The following CRPPA variants were observed in gnomAD, a reference collection of about 807,000 sequenced individuals.
CRPPA encodes CDP-L-ribitol pyrophosphorylase A.
A neutral mutation model predicts 52.0 loss-of-function variants in CRPPA; 43 were observed. The ratio of observed to expected loss-of-function variants is 0.83; its 90% CI spans 0.65 to 1.07. The LOEUF is 1.07. Among genes scored for constraint, CRPPA ranks in the 50% least tolerant of loss-of-function variants. The probability of loss-of-function intolerance (pLI) is 0.00; values close to 1 mark genes in which losing one functional copy is unlikely to be tolerated. For missense variants in CRPPA, 629 were observed against 551.7 expected (o/e 1.14, Z -1.40); for synonymous variants, 250 against 203.5 (o/e 1.23, Z -1.94).
chr7:16,272,253 G>A (rs1054345050), intron 6 of CRPPA, among the ~76,000 whole-genome samples: 7 of 152,158 alleles, frequency 4.6e-5, no homozygotes, highest in African/African-American at 1.7e-4. Context: ...CTCTCCCCAA[G>A]TTAGCTCTTT....
chr7:16,343,555 T>G (rs1328846175), intron 3 of CRPPA, among the ~76,000 whole-genome samples: 1 of 152,208 alleles, frequency 6.6e-6, no homozygotes, highest in Non-Finnish European at 1.5e-5. Context: ...CTGACTCAGT[T>G]TCCCACTGCA....
At chr7:16,342,916 T>C (rs1052025107) in intron 3 of CRPPA, among the ~76,000 whole-genome samples, 2 of 137,978 alleles carry the variant, frequency 1.4e-5, no homozygotes, top group African/African-American at 2.7e-5. Flanking sequence ...AGTACGTGCC[T>C]GTAGTCCCAC....
chr7:16,209,273 C>CTTTTTTTT lies in CRPPA; in HGVS notation c.1251+6785_1251+6792dup, dbSNP rs34795937. 61 of 123,072 alleles carry CTTTTTTTT rather than the reference C, an allele frequency of 5.0e-4. 5 individuals are homozygous for CTTTTTTTT. The highest frequency in any genetic ancestry group is 2.6e-3 in the Admixed American group (23 of 8,846). The allele number at this position is 123,072 out of a possible 1,614,324, so 7.6% of individuals were successfully genotyped here. A position where few individuals can be genotyped will look rare whatever the true frequency, so the allele number is the denominator to read the frequency against. ...GGCCAAGTAATACGGTTCTAAGTGT[C>CTTTTTTTT]TTTTTTTTTTTTTTTTTGAGACGAG... is the stretch of plus-strand genomic sequence containing the variant. On this transcript the variant is annotated intron_variant, in intron 9 of 9. Coordinates refer to ENST00000407010, the MANE Select transcript of CRPPA (RefSeq NM_001101426.4).
intron 9 of CRPPA, among the ~76,000 whole-genome samples, chr7:16,205,769 T>C (rs1781960387): frequency 6.6e-6 from 1 of 150,600 alleles, no homozygotes; most frequent in African/African-American, 2.4e-5. Flanking sequence ...TGTCTGCTAA[T>C]GCTGGACTTT....
intron 2 of CRPPA, among the ~76,000 whole-genome samples, chr7:16,381,853 T>C (rs10225669): frequency 0.027 from 4,117 of 150,772 alleles, 162 homozygotes; most frequent in African/African-American, 0.087. Flanking sequence ...GGTAAATCTT[T>C]CTCCATCCTT....
At chr7:16,420,193 A>G (rs952971062) in intron 1 of CRPPA, among the ~76,000 whole-genome samples, 3 of 152,152 alleles carry the variant, frequency 2.0e-5, no homozygotes, top group African/African-American at 7.2e-5. Context: ...TCTATCTGGA[A>G]ATGCAAACGG....
intron 9 of CRPPA, among the ~76,000 whole-genome samples, chr7:16,111,880 G>C (rs1032343941): frequency 6.6e-6 from 1 of 152,062 alleles, no homozygotes; most frequent in African/African-American, 2.4e-5. Context: ...TGGGAATATT[G>C]TACATTTCAA....
chr7:16,350,248 G>C (rs1478901089), intron 3 of CRPPA, among the ~76,000 whole-genome samples: 7 of 152,102 alleles, frequency 4.6e-5, no homozygotes, highest in Admixed American at 2.6e-4. Flanking sequence ...AAATGCTAAA[G>C]GGAGTTCCTC....
intron 3 of CRPPA, among the ~76,000 whole-genome samples, chr7:16,371,768 G>A (rs1398432802): frequency 6.6e-6 from 1 of 151,604 alleles, no homozygotes; most frequent in Non-Finnish European, 1.5e-5. Context: ...AGCTATTCAA[G>A]GAGATACCAG....
intron 3 of CRPPA, among the ~76,000 whole-genome samples, chr7:16,367,850 CATT>C (rs1786645121): frequency 6.6e-6 from 1 of 152,126 alleles, no homozygotes; most frequent in African/African-American, 2.4e-5. Context: ...TCTCAATCTC[CATT>C]ATAAGATTAA....
chr7:16,329,572 C>A (rs1467626424), intron 3 of CRPPA, among the ~76,000 whole-genome samples: 1 of 152,100 alleles, frequency 6.6e-6, no homozygotes, highest in Admixed American at 6.5e-5. Context: ...TTACGTCAAT[C>A]TGAAGGTTTT....
chr7:16,329,812 A>C (rs1033668821), intron 3 of CRPPA, among the ~76,000 whole-genome samples: 1 of 152,210 alleles, frequency 6.6e-6, no homozygotes, highest in Non-Finnish European at 1.5e-5. Context: ...TTTTGGCTGC[A>C]ATCACAAAAG....
intron 5 of CRPPA, among the ~76,000 whole-genome samples, chr7:16,291,082 C>T (rs573231312): frequency 1.3e-5 from 2 of 151,932 alleles, no homozygotes; most frequent in African/African-American, 2.4e-5. Context: ...CATGAGTTAT[C>T]AACTCACCCC....
At chr7:16,167,419 A>G (rs1167483574) in intron 9 of CRPPA, among the ~76,000 whole-genome samples, 1 of 152,192 alleles carries the variant, frequency 6.6e-6, no homozygotes, top group African/African-American at 2.4e-5. Flanking sequence ...GTGCCTATAT[A>G]TAAGAAGGTG....
intron 3 of CRPPA, among the ~76,000 whole-genome samples, chr7:16,325,469 A>G (rs1053858879): frequency 5.9e-5 from 9 of 152,202 alleles, no homozygotes; most frequent in Non-Finnish European, 1.2e-4. Context: ...TGCAAACACA[A>G]GAGCTACTCA....
At chr7:16,313,710 G>C (rs188224293) in intron 3 of CRPPA, among the ~76,000 whole-genome samples, 111 of 151,914 alleles carry the variant, frequency 7.3e-4, no homozygotes, top group African/African-American at 2.7e-3. Context: ...CCAAAATTTT[G>C]ATGCGTTCCA....
intron 5 of CRPPA, among the ~76,000 whole-genome samples, chr7:16,294,804 A>G (rs900383992): frequency 3.9e-5 from 6 of 152,028 alleles, no homozygotes; most frequent in Non-Finnish European, 8.8e-5. Context: ...ATTTAACAAG[A>G]AAAAGCCTGA....
intron 3 of CRPPA, among the ~76,000 whole-genome samples, chr7:16,346,555 G>T (rs1583537088): frequency 1.3e-5 from 2 of 152,018 alleles, no homozygotes; most frequent in Non-Finnish European, 2.9e-5. Context: ...AAGATAATTA[G>T]CAGAGGCAAT....
chr7:16,399,603 T>C (rs1480205940), intron 2 of CRPPA, among the ~76,000 whole-genome samples: 2 of 151,918 alleles, frequency 1.3e-5, no homozygotes, highest in Admixed American at 6.6e-5. Context: ...ACGATTGGCA[T>C]GTGTCCAACA....
Sources: allele counts gnomAD v4.1 joint callset (sites outside exome capture counted in the v4.1 genomes callset), GRCh38; gene constraint gnomAD v4.1.1; transcripts MANE v1.5; gene names NCBI Gene and HGNC (gene_info 2026-07-23, HGNC 2026-07-21).